PCDHGA2: variants seen among roughly 807,000 people sequenced by gnomAD.
PCDHGA2 encodes the protein protocadherin gamma subfamily A, 2.
Under a neutral mutation model 59.2 loss-of-function variants are expected in PCDHGA2, and 40 were observed. That is an observed-to-expected ratio of 0.68 (90% CI 0.52 to 0.88). The LOEUF is 0.88. Among genes scored for constraint, PCDHGA2 ranks in the 40% least tolerant of loss-of-function variants. The pLI is 0.00. For missense variants in PCDHGA2, 1,226 were observed against 1,204.0 expected (o/e 1.02, Z -0.27); for synonymous variants, 560 against 526.0 (o/e 1.06, Z -0.89).
intron 1 of PCDHGA2, among the ~76,000 whole-genome samples, chr5:141,494,100 G>T (rs559145191): frequency 6.6e-6 from 1 of 152,152 alleles, no homozygotes; most frequent in Non-Finnish European, 1.5e-5. Flanking sequence ...ATTTTTCTCC[G>T]TCTCAGACAG....
At chr5:141,360,116 G>A in intron 1 of PCDHGA2, 1 of 1,570,542 alleles carries the variant, frequency 6.4e-7, no homozygotes, top group South Asian at 1.2e-5. Flanking sequence ...TATGGGCAAA[G>A]GAGCAAAGGG....
intron 1 of PCDHGA2, chr5:141,419,395 G>A: frequency 6.2e-7 from 1 of 1,613,596 alleles, no homozygotes; most frequent in Non-Finnish European, 8.5e-7. Context: ...CGCAGAGCGG[G>A]GTGGTGTTCG....
rs2096779089 is a variant in PCDHGA2, at chr5:141,423,760, G to GA, written c.2425-71047_2425-71046insA. On this transcript the variant is annotated intron_variant, in intron 1 of 3. Transcript: ENST00000394576. ...GTTATGAAAACTGTTTGGGGGGGGG[G>GA]TGGGGCGGCATATATTTAGTTCATA... 1.1e-5 allele frequency: 3 copies of GA among 279,664 alleles called. 1 individual carries two copies. Among genetic ancestry groups the GA allele is most frequent in the African/African-American group, 6.7e-5 (2 of 29,702 alleles). The allele number at this position is 279,664 out of a possible 1,614,324, so 17.3% of individuals were successfully genotyped here.
At position 141,393,057 on chromosome 5, in the gene PCDHGA2, G is replaced by C. The variant is rs1273747847; in HGVS notation, c.2424+51662G>C. 9 of 1,613,514 alleles carry C rather than the reference G, an allele frequency of 5.6e-6. No homozygotes were observed. The highest frequency in any genetic ancestry group is 2.2e-5 in the South Asian group (2 of 91,064). ...GCTCTTTGCTCTGAACCCGCGCAGC[G>C]GCAGCTTGATCACCGCGGGCAGGAT... On this transcript the variant is annotated intron_variant, in intron 1 of 3. Coordinates refer to ENST00000394576, the MANE Select transcript of PCDHGA2 (RefSeq NM_018915.4).
At chr5:141,457,422 T>TC (rs1038085994) in intron 1 of PCDHGA2, among the ~76,000 whole-genome samples, 6 of 151,626 alleles carry the variant, frequency 4.0e-5, no homozygotes, top group African/African-American at 7.3e-5. Flanking sequence ...CATCCCTTTT[T>TC]CCCCCCCACC....
At position 141,490,597 on chromosome 5, in the gene PCDHGA2, C is replaced by G. The variant is rs781077720; in HGVS notation, c.2425-4210C>G. 1 of 1,614,182 alleles carries G rather than the reference C, an allele frequency of 6.2e-7. No homozygotes were observed. On this transcript the variant is annotated intron_variant, in intron 1 of 3. Transcript: ENST00000394576. This position sits in a 1 kb window ranked among gnomAD's most constrained non-coding sequence, Gnocchi z 5.4. ...TTCAGATGTCAATGACAATGCACCC[C>G]GCTTCAACCAGCAGCTTTACACTGC...
In PCDHGA2 at chr5:141,375,715, C is replaced by T. The variant is rs773544417; in HGVS notation, c.2424+34320C>T. 3.7e-6 allele frequency: 6 copies of T among 1,614,284 alleles called. 1 individual carries two copies. Among genetic ancestry groups the T allele is most frequent in the Non-Finnish European group, 5.1e-6 (6 of 1,180,050 alleles). Reference sequence around the variant, plus strand: ...ACAGCGGGGACCCGCCTCTTAGCAGCAACGTGTCACTGAGCCTGTTTGTGC... The same window carrying T: ...ACAGCGGGGACCCGCCTCTTAGCAGTAACGTGTCACTGAGCCTGTTTGTGC... On this transcript the variant is annotated intron_variant, in intron 1 of 3. Coordinates refer to ENST00000394576, the MANE Select transcript of PCDHGA2 (RefSeq NM_018915.4).
chr5:141,489,594 T>A lies in PCDHGA2; in HGVS notation c.2425-5213T>A. The A allele has an allele frequency of 2.5e-6, 4 of 1,614,076 alleles. No homozygotes were observed. Among genetic ancestry groups the A allele is most frequent in the Non-Finnish European group, 3.4e-6 (4 of 1,179,982 alleles). ...CTGAACACCCCCTGGAGCTAATCCG[T>A]GTAGAGGTAGAGATCCTGGATCTCA... On this transcript the variant is annotated intron_variant, in intron 1 of 3. Coordinates refer to ENST00000394576, the MANE Select transcript of PCDHGA2 (RefSeq NM_018915.4). This position sits in a 1 kb window ranked among gnomAD's most constrained non-coding sequence, Gnocchi z 4.5.
At chr5:141,458,100 A>AT (rs2098937418) in intron 1 of PCDHGA2, among the ~76,000 whole-genome samples, 1 of 152,252 alleles carries the variant, frequency 6.6e-6, no homozygotes, top group Non-Finnish European at 1.5e-5. Context: ...GAGTACTTAC[A>AT]GATAGTCTCC....
intron 1 of PCDHGA2, chr5:141,356,820 T>C: frequency 1.2e-6 from 2 of 1,614,068 alleles, no homozygotes; most frequent in South Asian, 2.2e-5. Flanking sequence ...GTGGAGACCC[T>C]CCACTCAGCA....
intron 1 of PCDHGA2, chr5:141,409,169 G>A (rs371896881): frequency 3.5e-5 from 56 of 1,613,906 alleles, no homozygotes; most frequent in Non-Finnish European, 4.2e-5. Flanking sequence ...GGAAGCGAAG[G>A]ACGGAGGTGG....
intron 1 of PCDHGA2, chr5:141,424,706 T>G (rs752721357): frequency 4.6e-5 from 7 of 152,190 alleles, no homozygotes; most frequent in Non-Finnish European, 8.8e-5. Context: ...TTTGTTCATT[T>G]TCAGTGTAGT....
chr5:141,357,356 G>A (rs1340462933), intron 1 of PCDHGA2: 1 of 1,614,120 alleles, frequency 6.2e-7, no homozygotes, highest in Non-Finnish European at 8.5e-7. Flanking sequence ...CTGAGACGCT[G>A]GCACAAGTCA....
chr5:141,361,633 G>A (rs891072773), intron 1 of PCDHGA2: 1 of 1,613,904 alleles, frequency 6.2e-7, no homozygotes, highest in Non-Finnish European at 8.5e-7. Context: ...GAAGCCGCGG[G>A]AGATTTTATC....
intron 1 of PCDHGA2, among the ~76,000 whole-genome samples, chr5:141,443,609 T>C (rs2098396115): frequency 1.3e-5 from 2 of 152,260 alleles, no homozygotes; most frequent in African/African-American, 4.8e-5. Flanking sequence ...GAAATGTTCT[T>C]ATAATCAGGT....
chr5:141,444,152 ATTTTTTTTTTTTTTTTTTTTTTTTT>A (rs747671382), intron 1 of PCDHGA2, among the ~76,000 whole-genome samples: 1 of 33,882 alleles, frequency 3.0e-5, no homozygotes, highest in Non-Finnish European at 5.2e-5. Context: ...TGTGTACTGG[ATTTTTTTTTTTTTTTTTTTTTTTTT>A]TTTTTTTTTT....
chr5:141,409,809 A>T (rs754765049), intron 1 of PCDHGA2: 62 of 1,611,424 alleles, frequency 3.8e-5, no homozygotes, highest in Non-Finnish European at 7.6e-6. Context: ...CAGGCCCGCG[A>T]CCACGGCTCG....
intron 1 of PCDHGA2, chr5:141,398,860 G>C: frequency 6.2e-7 from 1 of 1,614,010 alleles, no homozygotes; most frequent in South Asian, 1.1e-5. Flanking sequence ...ATTCAACCGA[G>C]ACGTGTACAG....
At position 141,410,301 on chromosome 5, in the gene PCDHGA2, C is replaced by A. The variant is rs1294760427; in HGVS notation, c.2424+68906C>A. ...CTGGTGGTGGCCTTGGCCTTAATCT[C>A]AGTGCTCTTCCTCCTCGCCGTGATT... On this transcript the variant is annotated intron_variant, in intron 1 of 3. Transcript: ENST00000394576. 2.5e-6 allele frequency: 4 copies of A among 1,614,030 alleles called. No individual in the cohort carries two copies. In the Admixed American group the frequency reaches 6.7e-5, roughly 27 times the overall value.
Sources: allele counts gnomAD v4.1 joint callset (sites outside exome capture counted in the v4.1 genomes callset), GRCh38; gene constraint gnomAD v4.1.1; non-coding constraint Gnocchi (gnomAD v3.1); transcripts MANE v1.5; gene names NCBI Gene and HGNC (gene_info 2026-07-23, HGNC 2026-07-21).